The following ARHGAP26 variants were observed in gnomAD, a reference collection of about 807,000 sequenced individuals.
The protein encoded by ARHGAP26 is rho GTPase-activating protein 26.
ARHGAP26 carries 38 observed loss-of-function variants against 104.8 expected under a neutral mutation model. The observed-to-expected ratio is 0.36, with a 90% confidence interval of 0.28 to 0.48. The LOEUF is 0.48. ARHGAP26 is among the 20% of genes least tolerant of loss of function. The pLI is 0.99. For synonymous variants in ARHGAP26, 341 were observed against 340.0 expected, an observed-to-expected ratio of 1.00 and a Z score of -0.03; for missense variants, 704 against 947.9, an observed-to-expected ratio of 0.74 and a Z score of 3.38.
intron 5 of ARHGAP26, among the ~76,000 whole-genome samples, chr5:142,888,003 A>C (rs904567838): frequency 1.3e-5 from 2 of 152,192 alleles, no homozygotes; most frequent in African/African-American, 2.4e-5. Flanking sequence ...AACAAACAAA[A>C]AAAAGAACAG....
Position 143,157,719 on chromosome 5 carries a change from T to C in ARHGAP26, c.1988+10338T>C, listed in dbSNP as rs113275343. ...GATGGCATTACTATGGTAGAGATCC[T>C]TTCAGAGAACAGAGATTTTGTTTAT... is the stretch of plus-strand genomic sequence containing the variant. On this transcript the variant is annotated intron_variant, in intron 20 of 22. Coordinates refer to ENST00000645722, the MANE Select transcript of ARHGAP26 (RefSeq NM_001135608.3). Among the ~76,000 whole-genome samples, 390 of 152,334 alleles carry C rather than the reference T, an allele frequency of 2.6e-3. 4 individuals are homozygous for C. Among genetic ancestry groups the C allele is most frequent in the African/African-American group, 8.6e-3 (359 of 41,578 alleles).
At chr5:143,175,457 T>C (rs1232237255) in intron 20 of ARHGAP26, among the ~76,000 whole-genome samples, 7 of 152,182 alleles carry the variant, frequency 4.6e-5, no homozygotes, top group Non-Finnish European at 1.5e-5. Flanking sequence ...TTTGTAAGTA[T>C]GTAAGATATT....
At chr5:142,824,271 T>G (rs1766777072) in intron 1 of ARHGAP26, among the ~76,000 whole-genome samples, 1 of 152,218 alleles carries the variant, frequency 6.6e-6, no homozygotes, top group African/African-American at 2.4e-5. Flanking sequence ...CTCTGCTAGT[T>G]GCTCTTGCAT....
intron 5 of ARHGAP26, among the ~76,000 whole-genome samples, chr5:142,892,142 G>A (rs538589525): frequency 1.3e-5 from 2 of 152,132 alleles, no homozygotes; most frequent in East Asian, 1.9e-4. Flanking sequence ...AAGTATTTGG[G>A]ACTTCTGTGA....
At chr5:142,884,364 T>C (rs922894927) in intron 4 of ARHGAP26, among the ~76,000 whole-genome samples, 5 of 152,246 alleles carry the variant, frequency 3.3e-5, no homozygotes, top group African/African-American at 9.6e-5. Context: ...AGAACCACAG[T>C]GACCCAATGA....
intron 1 of ARHGAP26, among the ~76,000 whole-genome samples, chr5:142,774,720 A>G (rs1029890514): frequency 1.3e-5 from 2 of 152,158 alleles, no homozygotes; most frequent in African/African-American, 4.8e-5. Flanking sequence ...TAAAAATCCT[A>G]TGTGCTCCAC....
At chr5:143,099,113 AG>A (rs1218211150) in intron 17 of ARHGAP26, among the ~76,000 whole-genome samples, 1 of 152,262 alleles carries the variant, frequency 6.6e-6, no homozygotes, top group African/African-American at 2.4e-5. Flanking sequence ...TCTGCTGGAC[AG>A]AAGTTATTTG....
chr5:142,921,651 A>G (rs936642271), intron 10 of ARHGAP26: 2 of 166,774 alleles, frequency 1.2e-5, no homozygotes, highest in Admixed American at 6.5e-5. Context: ...ATATGTTTGT[A>G]TGGCAGGCTG....
At chr5:142,948,694 A>T (rs1043620264) in intron 11 of ARHGAP26, among the ~76,000 whole-genome samples, 2 of 151,586 alleles carry the variant, frequency 1.3e-5, no homozygotes, top group Admixed American at 6.6e-5. Flanking sequence ...TTAGAAGGGG[A>T]TATAAAGCAA....
chr5:143,203,781 A>G (rs1269373802), intron 20 of ARHGAP26: 3 of 152,212 alleles, frequency 2.0e-5, no homozygotes, highest in African/African-American at 4.8e-5. Context: ...AGGGACATGG[A>G]TGAAGCTGGA....
At chr5:143,063,381 T>C (rs1487398574) in intron 17 of ARHGAP26, among the ~76,000 whole-genome samples, 1 of 152,182 alleles carries the variant, frequency 6.6e-6, no homozygotes, top group Non-Finnish European at 1.5e-5. Flanking sequence ...AGAGTGCATG[T>C]TGTGCTTCCA....
At chr5:143,092,194 C>T (rs1791545815) in intron 17 of ARHGAP26, among the ~76,000 whole-genome samples, 1 of 118,716 alleles carries the variant, frequency 8.4e-6, no homozygotes, top group Admixed American at 1.2e-4. Flanking sequence ...GAGATGGAGT[C>T]TCCCTCTCGC....
At chr5:142,772,675 G>C (rs1374545835) in intron 1 of ARHGAP26, 1 of 517,176 alleles carries the variant, frequency 1.9e-6, no homozygotes, top group East Asian at 5.5e-5. Flanking sequence ...GAGTCACACA[G>C]CTCTAGCAGC....
At chr5:142,986,466 C>G (rs1046722825) in intron 11 of ARHGAP26, among the ~76,000 whole-genome samples, 1 of 152,172 alleles carries the variant, frequency 6.6e-6, no homozygotes, top group Middle Eastern at 3.2e-3. Context: ...GTTGCCTGCT[C>G]ACTCTTATGA....
At chr5:142,885,210 C>T (rs1757537317) in intron 4 of ARHGAP26, 88 bp from the exon 5 acceptor site, 2 of 1,095,138 alleles carry the variant, frequency 1.8e-6, no homozygotes, top group Non-Finnish European at 2.7e-6. Context: ...CATCTGTGTT[C>T]TGAGCAGAAG....
At chr5:143,109,746 C>T (rs1185734310) in intron 17 of ARHGAP26, among the ~76,000 whole-genome samples, 1 of 152,142 alleles carries the variant, frequency 6.6e-6, no homozygotes, top group Admixed American at 6.5e-5. Context: ...GGCCATATCT[C>T]TCTCTCTTTG....
chr5:142,786,474 G>A (rs575715080), intron 1 of ARHGAP26, among the ~76,000 whole-genome samples: 1 of 151,716 alleles, frequency 6.6e-6, no homozygotes, highest in Admixed American at 6.6e-5. Flanking sequence ...GTTTAAAAAA[G>A]TGTTTTTAGA....
chr5:143,219,007 A>T (rs1159261616), intron 22 of ARHGAP26, among the ~76,000 whole-genome samples: 1 of 152,272 alleles, frequency 6.6e-6, no homozygotes, highest in African/African-American at 2.4e-5. Flanking sequence ...CATTCTGAAG[A>T]TGAAAGGAGG....
chr5:143,186,473 C>T (rs186703197), intron 20 of ARHGAP26, among the ~76,000 whole-genome samples: 1 of 152,314 alleles, frequency 6.6e-6, no homozygotes, highest in Non-Finnish European at 1.5e-5. Flanking sequence ...GATTCTTCCC[C>T]ATCTTCCCAG....
Sources: gnomAD v4.1 joint callset for allele counts (sites outside exome capture counted in the v4.1 genomes callset) on GRCh38, gnomAD v4.1.1 for gene constraint, MANE v1.5 for transcripts, NCBI Gene and HGNC (gene_info 2026-07-23, HGNC 2026-07-21) for gene names.